DNA2: variants seen among roughly 807,000 people sequenced by gnomAD.
DNA2 encodes the protein DNA replication ATP-dependent helicase/nuclease DNA2.
DNA2 carries 101 observed loss-of-function variants against 119.1 expected under a neutral mutation model. That is an observed-to-expected ratio of 0.85 (90% CI 0.72 to 1.00). The LOEUF (loss-of-function observed/expected upper bound fraction) is 1.00, where lower values mean the gene tolerates loss of function less well. Among genes scored for constraint, DNA2 ranks in the 50% least tolerant of loss-of-function variants. The pLI is 0.00. For missense variants in DNA2, 1,121 were observed against 1,255.5 expected, an observed-to-expected ratio of 0.89 and a Z score of 1.62; for synonymous variants, 366 against 424.4, an observed-to-expected ratio of 0.86 and a Z score of 1.69.
intron 8 of DNA2, among the ~76,000 whole-genome samples, chr10:68,443,603 C>A (rs935137577): frequency 6.6e-6 from 1 of 152,146 alleles, no homozygotes; most frequent in African/African-American, 2.4e-5. Flanking sequence ...AGACTTCCTA[C>A]GGTTCACAGT....
At chr10:68,427,901 C>T (rs938452619) in intron 14 of DNA2, among the ~76,000 whole-genome samples, 8 of 151,618 alleles carry the variant, frequency 5.3e-5, no homozygotes, top group Non-Finnish European at 1.0e-4. Flanking sequence ...GGCGTGGTGG[C>T]GCATGCCTGT....
At chr10:68,446,862 G>A (rs780198204) in intron 6 of DNA2, among the ~76,000 whole-genome samples, 52 of 151,942 alleles carry the variant, frequency 3.4e-4, no homozygotes, top group Admixed American at 6.6e-4. Flanking sequence ...AGGGTGGTGC[G>A]GGGGGAGAAG....
At chr10:68,447,243 C>A (rs534216505) in intron 6 of DNA2, among the ~76,000 whole-genome samples, 1 of 151,976 alleles carries the variant, frequency 6.6e-6, no homozygotes, top group Non-Finnish European at 1.5e-5. Flanking sequence ...CACGGCTGGG[C>A]GTGGTGGCTC....
Position 68,422,277 on chromosome 10 carries a change from A to G in DNA2, c.2645T>C (p.Leu882Ser). ...FYADYSDNPWLMGVFEPNNPV... is the reference protein window; with the variant it reads ...FYADYSDNPWSMGVFEPNNPV... ...ATTGTTGGGTTCAAATACTCCCATC[A>G]ACCAAGGATTATCAGAATAGTCAGC... The change falls in exon 17 of 21, where the codon TTG (leucine) becomes TCG (serine). Residue 882 changes from leucine to serine, a missense_variant. By Grantham distance (145) the Leu-to-Ser change is moderately radical (BLOSUM62 -2). Coordinates refer to ENST00000358410, the MANE Select transcript of DNA2 (RefSeq NM_001080449.3). The G allele has an allele frequency of 1.9e-6, 3 of 1,613,542 alleles. No individual in the cohort carries two copies. The highest frequency in any genetic ancestry group is 2.5e-6 in the Non-Finnish European group (3 of 1,179,740).
intron 14 of DNA2, among the ~76,000 whole-genome samples, chr10:68,428,747 CTCGAACGACCAAATTA>C (rs1180216964): frequency 6.6e-6 from 1 of 152,208 alleles, no homozygotes; most frequent in Non-Finnish European, 1.5e-5. Context: ...ACTTAACATT[CTCGAACGACCAAATTA>C]TCGAAATGGA....
chr10:68,440,964 T>C (rs757203489), intron 9 of DNA2, among the ~76,000 whole-genome samples: 2 of 152,114 alleles, frequency 1.3e-5, no homozygotes, highest in African/African-American at 4.8e-5. Flanking sequence ...GAGGATCACT[T>C]GAGCTCAGGA....
chr10:68,458,983 T>TA, intron 5 of DNA2, 121 bp downstream of exon 5: 3 of 870,054 alleles, frequency 3.4e-6, no homozygotes, highest in South Asian at 6.6e-5. Context: ...ATTTATAAAA[T>TA]AAGCAAGCAA....
Position 68,437,121 on chromosome 10 carries a change from T to C in DNA2, c.1536A>G (p.Leu512=), listed in dbSNP as rs369434551. ...TTACAATAACTCTGTCACCTGCCATTAGATTTGTGACAGGTATGGCACCAT... is the reference window on the plus strand; with the variant it reads ...TTACAATAACTCTGTCACCTGCCATCAGATTTGTGACAGGTATGGCACCAT... ...CKHGAIPVTN[L]MAGDRVIVSG... Residue 512 remains leucine, a synonymous_variant, in exon 10 of 21, where the codon CTA becomes CTG. Coordinates refer to ENST00000358410, the MANE Select transcript of DNA2 (RefSeq NM_001080449.3). 28 of 1,613,802 alleles carry C rather than the reference T, an allele frequency of 1.7e-5. No homozygotes were observed. Among genetic ancestry groups the C allele is most frequent in the Non-Finnish European group, 2.3e-5 (27 of 1,179,832 alleles).
chr10:68,437,013 G>A lies in DNA2; in HGVS notation c.1644C>T (p.Asp548=). 5.0e-6 allele frequency: 8 copies of A among 1,603,234 alleles called. No individual in the cohort carries two copies. The highest frequency in any genetic ancestry group is 6.8e-6 in the Non-Finnish European group (8 of 1,173,232). The change falls in exon 10 of 21, where the codon GAC becomes GAT. Residue 548 remains aspartate, a splice_region_variant and synonymous_variant. Transcript: ENST00000358410. The part of the protein sequence containing the change: ...INMTTVTCLL[D]RNLSVLPEST... ...CAAAAAAAGTAACATTTCATTACCT[G>A]TCTAATAAACAAGTTACTGTTGTCA...
At chr10:68,458,615 G>A (rs1387097702) in intron 5 of DNA2, among the ~76,000 whole-genome samples, 2 of 152,128 alleles carry the variant, frequency 1.3e-5, no homozygotes, top group African/African-American at 2.4e-5. Flanking sequence ...TTGGGAGGCT[G>A]AGGCGGGTGG....
At position 68,414,670 on chromosome 10, in the gene DNA2, C is replaced by T. The variant is rs1221665151; in HGVS notation, c.*369G>A. 6.1e-6 allele frequency: 1 copy of T among 165,230 alleles called. No homozygotes were observed. Among genetic ancestry groups the T allele is most frequent in the Admixed American group, 6.2e-5 (1 of 16,220 alleles). 10.2% of individuals were successfully genotyped at this position (165,230 alleles called of 1,614,324 possible). A position where few individuals can be genotyped will look rare whatever the true frequency, so the allele number is the denominator to read the frequency against. ...CAGAAAAGAATCACACTTATGTTCT[C>T]ATCATCACAAGACTGTGCTTAAATG... is the stretch of plus-strand genomic sequence containing the variant. On this transcript the variant is annotated 3_prime_UTR_variant, in exon 21 of 21. Coordinates refer to ENST00000358410, the MANE Select transcript of DNA2 (RefSeq NM_001080449.3).
intron 5 of DNA2, among the ~76,000 whole-genome samples, chr10:68,454,871 A>T (rs888317837): frequency 3.3e-5 from 5 of 152,026 alleles, no homozygotes; most frequent in African/African-American, 1.2e-4. Flanking sequence ...AGGAGGGGGA[A>T]AAAAGGAGGG....
intron 6 of DNA2, among the ~76,000 whole-genome samples, chr10:68,448,379 A>G (rs992864070): frequency 1.3e-5 from 2 of 152,192 alleles, no homozygotes; most frequent in African/African-American, 2.4e-5. Flanking sequence ...CTGTAAGTCA[A>G]TATAGCAAGA....
At chr10:68,457,584 T>C (rs2052201196) in intron 5 of DNA2, among the ~76,000 whole-genome samples, 1 of 152,118 alleles carries the variant, frequency 6.6e-6, no homozygotes, top group African/African-American at 2.4e-5. Flanking sequence ...CTCCACAAAG[T>C]AGGCAGTTGT....
chr10:68,430,790 A>G (rs2051810402), intron 13 of DNA2, 130 bp from the exon 14 acceptor site: 4 of 697,876 alleles, frequency 5.7e-6, no homozygotes, highest in Non-Finnish European at 9.4e-6. Context: ...AAGCCAAAAC[A>G]TTTTACAAAA....
intron 5 of DNA2, among the ~76,000 whole-genome samples, chr10:68,452,586 T>C (rs2052133645): frequency 6.6e-6 from 1 of 151,834 alleles, no homozygotes; most frequent in South Asian, 2.1e-4. Context: ...ATTATTATTA[T>C]TCTGAGACAG....
chr10:68,456,053 C>T (rs979502436), intron 5 of DNA2, among the ~76,000 whole-genome samples: 1 of 151,924 alleles, frequency 6.6e-6, no homozygotes, highest in African/African-American at 2.4e-5. Context: ...AAAACACCAT[C>T]TCTACAAAAA....
At chr10:68,468,034 GC>G in intron 3 of DNA2, 88 bp downstream of exon 3, 1 of 985,162 alleles carries the variant, frequency 1.0e-6, no homozygotes, top group Non-Finnish European at 1.4e-6. Context: ...TTATAGGGTT[GC>G]TGGGAGGATT....
At chr10:68,444,308 T>C (rs1450245582) in intron 8 of DNA2, among the ~76,000 whole-genome samples, 1 of 151,872 alleles carries the variant, frequency 6.6e-6, no homozygotes, top group Non-Finnish European at 1.5e-5. Flanking sequence ...GAGAATCGCT[T>C]GAACTAGGGA....
Sources: gnomAD v4.1 joint callset for allele counts (sites outside exome capture counted in the v4.1 genomes callset) on GRCh38, gnomAD v4.1.1 for gene constraint, MANE v1.5 for transcripts, NCBI Gene and HGNC (gene_info 2026-07-23, HGNC 2026-07-21) for gene names.